The following UBE3D variants were observed in gnomAD, a reference collection of about 807,000 sequenced individuals.
The protein encoded by UBE3D is ubiquitin protein ligase E3D, also known as E3 ubiquitin-protein ligase E3D.
A neutral mutation model predicts 49.6 loss-of-function variants in UBE3D; 48 were observed. The observed-to-expected ratio is 0.97, with a 90% CI of 0.77 to 1.23. The LOEUF (loss-of-function observed/expected upper bound fraction) is 1.23, where lower values mean the gene tolerates loss of function less well. Among genes scored for constraint, UBE3D ranks in the 50% most tolerant of loss-of-function variants. The pLI is 0.00. For synonymous variants in UBE3D, 189 were observed against 174.2 expected, an observed-to-expected ratio of 1.08 and a Z score of -0.67; for missense variants, 452 against 468.4, an observed-to-expected ratio of 0.96 and a Z score of 0.32.
chr6:82,971,398 C>T (rs932841597), intron 8 of UBE3D, among the ~76,000 whole-genome samples: 5 of 151,424 alleles, frequency 3.3e-5, no homozygotes, highest in Admixed American at 1.3e-4. Context: ...AAATTAGGTC[C>T]ACTCTAATAA....
At chr6:82,953,644 C>T (rs1775956706) in intron 9 of UBE3D, among the ~76,000 whole-genome samples, 1 of 152,172 alleles carries the variant, frequency 6.6e-6, no homozygotes, top group South Asian at 2.1e-4. Flanking sequence ...GCCAGCCATC[C>T]AATATTTATT....
At chr6:82,976,840 C>G (rs953340596) in intron 8 of UBE3D, among the ~76,000 whole-genome samples, 8 of 152,106 alleles carry the variant, frequency 5.3e-5, no homozygotes, top group African/African-American at 1.9e-4. Context: ...GTAGGCCGGG[C>G]ACAGTGGCTC....
intron 8 of UBE3D, among the ~76,000 whole-genome samples, chr6:83,004,149 G>A (rs1779815953): frequency 6.6e-6 from 1 of 152,096 alleles, no homozygotes; most frequent in Non-Finnish European, 1.5e-5. Context: ...AGAAGTTTCT[G>A]CTACTGATGT....
chr6:82,945,109 G>C (rs1775304816), intron 9 of UBE3D, among the ~76,000 whole-genome samples: 1 of 152,220 alleles, frequency 6.6e-6, no homozygotes, highest in Non-Finnish European at 1.5e-5. Context: ...CTAGGGCCTT[G>C]AGCAAACATA....
rs190659117 is a variant in UBE3D, at chr6:82,971,989, T to A, written c.1011-14539A>T. The stretch of plus-strand genomic sequence containing the variant: ...TCACTTCAAATTGGTTGGCAGTGAT[T>A]GTGTTGAAATAGATGGTGAGACCAG... On this transcript the variant is annotated intron_variant, in intron 8 of 9. Transcript: ENST00000369747. Among the ~76,000 whole-genome samples the A allele has an allele frequency of 7.2e-4, 110 of 152,234 alleles. 1 individual carries two copies. Among genetic ancestry groups the A allele is most frequent in the African/African-American group, 2.6e-3 (106 of 41,524 alleles).
chr6:82,903,957 A>G (rs1771917892), intron 9 of UBE3D, among the ~76,000 whole-genome samples: 2 of 152,178 alleles, frequency 1.3e-5, no homozygotes, highest in South Asian at 4.1e-4. Flanking sequence ...TCTTTTATAC[A>G]GAACTGTTCA....
intron 9 of UBE3D, among the ~76,000 whole-genome samples, chr6:82,914,430 A>C (rs1772761259): frequency 6.6e-6 from 1 of 152,158 alleles, no homozygotes; most frequent in African/African-American, 2.4e-5. Flanking sequence ...GACCAGAGCA[A>C]TTAGACCAGT....
At chr6:82,964,414 T>C (rs1308881578) in intron 8 of UBE3D, among the ~76,000 whole-genome samples, 1 of 152,124 alleles carries the variant, frequency 6.6e-6, no homozygotes, top group African/African-American at 2.4e-5. Flanking sequence ...GAATCCAAAA[T>C]ATTATTGTGT....
chr6:82,962,607 T>C (rs779851332), intron 8 of UBE3D, among the ~76,000 whole-genome samples: 31 of 152,238 alleles, frequency 2.0e-4, no homozygotes, highest in African/African-American at 4.1e-4. Flanking sequence ...AAATCCAACA[T>C]TGGCATTTTA....
intron 9 of UBE3D, among the ~76,000 whole-genome samples, chr6:82,938,033 C>A: frequency 6.6e-6 from 1 of 151,226 alleles, no homozygotes; most frequent in Non-Finnish European, 1.5e-5. Flanking sequence ...CTGACTTTAT[C>A]TATATTTTTC....
chr6:82,884,485 G>A, the UBE3D span, among the ~76,000 whole-genome samples: 1,306 of 152,264 alleles, frequency 8.6e-3, 20 homozygotes, highest in African/African-American at 0.03. Flanking sequence ...ACTTTCAATA[G>A]TAAGTGAGGA....
At chr6:82,914,089 T>G (rs1562077974) in intron 9 of UBE3D, among the ~76,000 whole-genome samples, 1 of 152,230 alleles carries the variant, frequency 6.6e-6, no homozygotes, top group Non-Finnish European at 1.5e-5. Context: ...GCTGCAGAGC[T>G]AAAACCAGAA....
chr6:82,976,426 T>C (rs1321651284), intron 8 of UBE3D, among the ~76,000 whole-genome samples: 2 of 152,136 alleles, frequency 1.3e-5, no homozygotes, highest in East Asian at 1.9e-4. Context: ...TGCTGAAGAG[T>C]TGAAAACCAA....
At chr6:83,022,427 A>G (rs543852637) in intron 7 of UBE3D, 26 bp downstream of exon 7, 1 of 1,477,288 alleles carries the variant, frequency 6.8e-7, no homozygotes, top group Admixed American at 2.3e-5. Flanking sequence ...CTAGGCTACA[A>G]AAAGCTGGAT....
intron 9 of UBE3D, among the ~76,000 whole-genome samples, chr6:82,903,391 A>G (rs1402632485): frequency 6.6e-6 from 1 of 152,200 alleles, no homozygotes; most frequent in Non-Finnish European, 1.5e-5. Flanking sequence ...TTAAGAGAAA[A>G]TAATTATTTG....
intron 8 of UBE3D, among the ~76,000 whole-genome samples, chr6:83,004,167 TAA>T (rs1005316759): frequency 1.5e-4 from 23 of 152,226 alleles, no homozygotes; most frequent in African/African-American, 5.3e-4. Context: ...TGTTACAGAT[TAA>T]GAGGCATAAA....
the UBE3D span, among the ~76,000 whole-genome samples, chr6:82,883,726 T>A: frequency 1.3e-5 from 2 of 152,162 alleles, no homozygotes; most frequent in African/African-American, 4.8e-5. Flanking sequence ...CAATCTAATA[T>A]ACTTTCACCA....
rs368145943 is a variant in UBE3D at position 83,044,632 on chromosome 6, C to A, written c.393G>T (p.Pro131=). The change falls in exon 4 of 10, where the codon CCG becomes CCT. Residue 131 remains proline (P), a synonymous_variant. Transcript: ENST00000369747. The part of the protein sequence containing the change: ...DRKLLRVLPL[P]SENWGALVGE... ...CAACTAGAGCTCCCCAGTTCTCACT[C>A]GGCAGTGGGAGCACCCTGAGGAGCT... The A allele has an allele frequency of 4.3e-6, 7 of 1,613,900 alleles. No homozygotes were observed. The highest frequency in any genetic ancestry group is 2.2e-5 in the East Asian group (1 of 44,894).
chr6:82,914,572 C>T (rs1487661556), intron 9 of UBE3D, among the ~76,000 whole-genome samples: 2 of 152,196 alleles, frequency 1.3e-5, no homozygotes, highest in Admixed American at 6.5e-5. Context: ...TACTTTCTCT[C>T]TGCTTTCCAA....
Sources: allele counts gnomAD v4.1 joint callset (sites outside exome capture counted in the v4.1 genomes callset), GRCh38; gene constraint gnomAD v4.1.1; transcripts MANE v1.5; gene names NCBI Gene and HGNC (gene_info 2026-07-23, HGNC 2026-07-21).